Variants in DAB1 observed in about 807,000 individuals in gnomAD.
The protein encoded by DAB1 is disabled homolog 1.
A neutral mutation model predicts 64.6 loss-of-function variants in DAB1; 15 were observed. That is an observed-to-expected ratio of 0.23 (90% CI 0.16 to 0.36). The LOEUF (loss-of-function observed/expected upper bound fraction) is 0.36, where lower values mean the gene tolerates loss of function less well. DAB1 is among the 10% of genes least tolerant of loss of function. The probability of loss-of-function intolerance (pLI) is 1.00; values close to 1 mark genes in which losing one functional copy is unlikely to be tolerated. For synonymous variants in DAB1, 235 were observed against 251.9 expected (o/e 0.93, Z 0.64); for missense variants, 596 against 706.7 (o/e 0.84, Z 1.78).
chr1:57,563,167 A>T (rs1645073211), intron 7 of DAB1, among the ~76,000 whole-genome samples: 1 of 152,212 alleles, frequency 6.6e-6, no homozygotes, highest in African/African-American at 2.4e-5. Context: ...AATGGGTAGT[A>T]GAAGAAGGCG....
intron 4 of DAB1, among the ~76,000 whole-genome samples, chr1:58,175,436 G>C (rs117998560): frequency 6.6e-6 from 1 of 152,088 alleles, no homozygotes; most frequent in Non-Finnish European, 1.5e-5. Context: ...TCTTGAAGTC[G>C]GCAAGACCAA....
intron 5 of DAB1, among the ~76,000 whole-genome samples, chr1:58,043,394 A>T (rs1393979763): frequency 6.6e-6 from 1 of 151,668 alleles, no homozygotes; most frequent in Non-Finnish European, 1.5e-5. Flanking sequence ...TTTCAAGTTT[A>T]AAAAAAAGAG....
At chr1:58,494,117 G>A (rs1645750839) in intron 3 of DAB1, among the ~76,000 whole-genome samples, 2 of 152,154 alleles carry the variant, frequency 1.3e-5, no homozygotes, top group African/African-American at 2.4e-5. Context: ...AATGCCACAT[G>A]TCTACAACTA....
intron 5 of DAB1, among the ~76,000 whole-genome samples, chr1:57,996,973 AC>A (rs1319878602): frequency 1.3e-5 from 2 of 152,062 alleles, no homozygotes; most frequent in African/African-American, 4.8e-5. Flanking sequence ...CCTCCACCCC[AC>A]TGCCAACCAG....
intron 1 of DAB1, among the ~76,000 whole-genome samples, chr1:57,845,171 C>T (rs1557513212): frequency 6.6e-6 from 1 of 152,130 alleles, no homozygotes; most frequent in Non-Finnish European, 1.5e-5. Flanking sequence ...AATGAGGAAT[C>T]CACTTACATG....
At chr1:57,774,673 TTTC>T (rs1435349232) in intron 6 of DAB1, among the ~76,000 whole-genome samples, 2 of 151,826 alleles carry the variant, frequency 1.3e-5, no homozygotes, top group African/African-American at 4.8e-5. Context: ...CTGTATTGTT[TTTC>T]TTCTTCATTC....
intron 6 of DAB1, among the ~76,000 whole-genome samples, chr1:57,775,251 G>A (rs79234073): frequency 0.011 from 1,701 of 151,118 alleles, 27 homozygotes; most frequent in African/African-American, 0.04. Flanking sequence ...TTGTTTGCCT[G>A]GTTTCTGTTT....
At chr1:57,623,069 T>C (rs1212833948) in intron 7 of DAB1, among the ~76,000 whole-genome samples, 16 of 152,366 alleles carry the variant, frequency 1.1e-4, no homozygotes, top group Admixed American at 1.0e-3. Context: ...TGCTGCTTTT[T>C]TTCCCTTCGT....
At chr1:57,427,757 AGAT>A (rs1685344579), upstream of DAB1, among the ~76,000 whole-genome samples, 1 of 152,238 alleles carries the variant, frequency 6.6e-6, no homozygotes, top group South Asian at 2.1e-4. Flanking sequence ...AAGATGTACA[AGAT>A]GATGTTTTGA....
intron 1 of DAB1, among the ~76,000 whole-genome samples, chr1:57,421,913 G>C (rs1222828519): frequency 1.2e-5 from 1 of 83,358 alleles, no homozygotes; most frequent in African/African-American, 4.9e-5. Context: ...GGGGGGGGGG[G>C]TGGCGGGGGG....
chr1:58,406,467 GC>G (rs1644616412), intron 3 of DAB1, among the ~76,000 whole-genome samples: 1 of 152,240 alleles, frequency 6.6e-6, no homozygotes, highest in South Asian at 2.1e-4. Context: ...CCAGCCCTGG[GC>G]GTTTCCGGCC....
chr1:57,667,321 C>G (rs1646459857), intron 6 of DAB1, among the ~76,000 whole-genome samples: 1 of 152,142 alleles, frequency 6.6e-6, no homozygotes, highest in Admixed American at 6.6e-5. Flanking sequence ...ATTGTGTCCA[C>G]TGGAGTTGGG....
At chr1:58,031,685 G>A (rs1479234853) in intron 5 of DAB1, among the ~76,000 whole-genome samples, 1 of 152,128 alleles carries the variant, frequency 6.6e-6, no homozygotes, top group Admixed American at 6.5e-5. Context: ...AATATATGCA[G>A]ATACATGCGA....
chr1:57,689,160 T>C (rs1443888239), intron 6 of DAB1, among the ~76,000 whole-genome samples: 4 of 152,182 alleles, frequency 2.6e-5, no homozygotes, highest in Non-Finnish European at 5.9e-5. Context: ...AATGGATAGA[T>C]TTAGAATAGG....
At chr1:57,609,511 C>A (rs1372095055) in intron 7 of DAB1, among the ~76,000 whole-genome samples, 3 of 152,008 alleles carry the variant, frequency 2.0e-5, no homozygotes, top group South Asian at 2.1e-4. Flanking sequence ...CACGAATACC[C>A]AGGGACAACT....
chr1:57,086,768 G>T (rs1204372014), intron 4 of DAB1, among the ~76,000 whole-genome samples: 4 of 151,822 alleles, frequency 2.6e-5, no homozygotes, highest in African/African-American at 9.7e-5. Context: ...TGTTTAATTA[G>T]CTGCACTGGC....
intron 6 of DAB1, among the ~76,000 whole-genome samples, chr1:57,696,203 C>T (rs974329643): frequency 2.0e-5 from 3 of 152,060 alleles, no homozygotes; most frequent in African/African-American, 7.3e-5. Flanking sequence ...TTATCTTTTG[C>T]ATTGTTGAAT....
At chr1:57,307,147 C>G (rs1005145238) in intron 1 of DAB1, 1 of 152,224 alleles carries the variant, frequency 6.6e-6, no homozygotes, top group Non-Finnish European at 1.5e-5. Flanking sequence ...TCCTTTCTAA[C>G]AACGACTGTC....
At chr1:57,597,275 A>T (rs752369805) in intron 7 of DAB1, among the ~76,000 whole-genome samples, 3 of 152,222 alleles carry the variant, frequency 2.0e-5, no homozygotes, top group Non-Finnish European at 2.9e-5. Context: ...CCATACAGCA[A>T]ATCAACATGC....
Sources: allele counts gnomAD v4.1 joint callset (sites outside exome capture counted in the v4.1 genomes callset), GRCh38; gene constraint gnomAD v4.1.1; transcripts MANE v1.5; gene names NCBI Gene and HGNC (gene_info 2026-07-23, HGNC 2026-07-21).